ZBBX: variants seen among roughly 807,000 people sequenced by gnomAD.
ZBBX encodes zinc finger B-box domain-containing protein 1.
In ZBBX, 101 loss-of-function variants were observed where a neutral mutation model predicts 108.5. That is an observed-to-expected ratio of 0.93 (90% CI 0.79 to 1.10). The LOEUF (loss-of-function observed/expected upper bound fraction) is 1.10. Ranked by LOEUF, ZBBX falls within the 50% of genes least tolerant of loss-of-function variation. The probability of loss-of-function intolerance (pLI) is 0.00; values close to 1 mark genes in which losing one functional copy is unlikely to be tolerated. For missense variants in ZBBX, 1,009 were observed against 941.4 expected, an observed-to-expected ratio of 1.07 and a Z score of -0.94; for synonymous variants, 356 against 323.4, an observed-to-expected ratio of 1.10 and a Z score of -1.08.
At chr3:167,325,744 A>G (rs1737266422) in intron 11 of ZBBX, among the ~76,000 whole-genome samples, 2 of 152,198 alleles carry the variant, frequency 1.3e-5, no homozygotes, top group Admixed American at 6.6e-5. Context: ...GTAATGTTGT[A>G]TACCTCTAAT....
intron 17 of ZBBX, among the ~76,000 whole-genome samples, chr3:167,302,107 GATTT>G (rs1427792941): frequency 6.6e-6 from 1 of 151,946 alleles, no homozygotes; most frequent in African/African-American, 2.4e-5. Context: ...TTCCTTTGTG[GATTT>G]ATTTTTGTAA....
At chr3:167,362,498 C>T in intron 6 of ZBBX, among the ~76,000 whole-genome samples, 1 of 152,146 alleles carries the variant, frequency 6.6e-6, no homozygotes. Flanking sequence ...CAGACGTTCT[C>T]ACTGTCAACC....
chr3:167,357,278 T>C (rs964003579), intron 8 of ZBBX, among the ~76,000 whole-genome samples: 2 of 152,080 alleles, frequency 1.3e-5, no homozygotes, highest in African/African-American at 4.8e-5. Context: ...GAAATCATAG[T>C]GTCCCAGAGG....
intron 2 of ZBBX, among the ~76,000 whole-genome samples, chr3:167,376,237 T>C (rs1746936666): frequency 6.6e-6 from 1 of 152,166 alleles, no homozygotes; most frequent in African/African-American, 2.4e-5. Context: ...AATTCTCTTT[T>C]TTCTCCCTCA....
intron 20 of ZBBX, among the ~76,000 whole-genome samples, chr3:167,271,141 CATCCATATTGATT>C (rs1250183866): frequency 6.6e-6 from 1 of 152,168 alleles, no homozygotes; most frequent in Non-Finnish European, 1.5e-5. Flanking sequence ...AGGAAGGAAC[CATCCATATTGATT>C]CTAAATATGC....
chr3:167,180,939 T>C, the ZBBX span, among the ~76,000 whole-genome samples: 2,031 of 152,314 alleles, frequency 0.013, 22 homozygotes, highest in South Asian at 0.026. Flanking sequence ...TTTTTCTTAA[T>C]AACAAAGACT....
At chr3:167,308,774 G>C (rs1259378945) in intron 16 of ZBBX, among the ~76,000 whole-genome samples, 1 of 152,098 alleles carries the variant, frequency 6.6e-6, no homozygotes, top group Non-Finnish European at 1.5e-5. Context: ...CTTTAGAGGG[G>C]AACAACACAC....
chr3:167,184,105 G>A, the ZBBX span, among the ~76,000 whole-genome samples: 1 of 152,162 alleles, frequency 6.6e-6, no homozygotes, highest in South Asian at 2.1e-4. Context: ...TCAGTGAAAG[G>A]GATTGTCTTT....
intron 20 of ZBBX, among the ~76,000 whole-genome samples, chr3:167,271,075 T>C (rs1036758171): frequency 6.6e-6 from 1 of 152,220 alleles, no homozygotes; most frequent in Non-Finnish European, 1.5e-5. Context: ...TGCCTAATAA[T>C]TGGTCTGCCC....
intron 20 of ZBBX, among the ~76,000 whole-genome samples, chr3:167,264,891 A>G (rs1725206765): frequency 6.6e-6 from 1 of 152,126 alleles, no homozygotes; most frequent in East Asian, 1.9e-4. Context: ...GGCCACCACC[A>G]ATGTTTGCCT....
At chr3:167,397,702 T>C (rs1444892285) in intron 1 of ZBBX, among the ~76,000 whole-genome samples, 1 of 151,574 alleles carries the variant, frequency 6.6e-6, no homozygotes, top group African/African-American at 2.4e-5. Context: ...ACAAAACTTA[T>C]AAGGCTAAGA....
At chr3:167,273,109 C>G (rs1210215185) in intron 20 of ZBBX, among the ~76,000 whole-genome samples, 1 of 152,200 alleles carries the variant, frequency 6.6e-6, no homozygotes, top group African/African-American at 2.4e-5. Context: ...CCTTCCTTCT[C>G]TTCTCCTTCT....
the ZBBX span, among the ~76,000 whole-genome samples, chr3:167,220,679 T>G: frequency 2.0e-5 from 3 of 151,894 alleles, no homozygotes; most frequent in African/African-American, 7.2e-5. Flanking sequence ...ATAACAAAAA[T>G]GCCCACTTTC....
At chr3:167,365,325 T>C (rs1350337186) in intron 6 of ZBBX, among the ~76,000 whole-genome samples, 1 of 151,816 alleles carries the variant, frequency 6.6e-6, no homozygotes, top group Non-Finnish European at 1.5e-5. Flanking sequence ...GTTTTCTTTA[T>C]GTAAAGACAC....
chr3:167,210,794 T>G, the ZBBX span, among the ~76,000 whole-genome samples: 1 of 152,190 alleles, frequency 6.6e-6, no homozygotes, highest in South Asian at 2.1e-4. Context: ...TAGAAAAGGC[T>G]GAATACTAGA....
chr3:167,232,013 A>G, the ZBBX span, among the ~76,000 whole-genome samples: 4 of 151,852 alleles, frequency 2.6e-5, no homozygotes, highest in Non-Finnish European at 4.4e-5. Context: ...TGGCCATTTG[A>G]TATGATTGTA....
chr3:167,237,059 G>T (rs901560193), downstream of ZBBX, among the ~76,000 whole-genome samples: 2 of 151,748 alleles, frequency 1.3e-5, no homozygotes, highest in South Asian at 2.1e-4. Flanking sequence ...GGGACAGAGA[G>T]AATTGCTTTT....
the ZBBX span, among the ~76,000 whole-genome samples, chr3:167,221,395 G>C: frequency 4.6e-5 from 7 of 151,658 alleles, no homozygotes; most frequent in Non-Finnish European, 7.4e-5. Flanking sequence ...TTTGACAAAG[G>C]CATCAAGAAC....
intron 1 of ZBBX, among the ~76,000 whole-genome samples, chr3:167,396,369 G>A (rs1577146690): frequency 6.6e-6 from 1 of 152,106 alleles, no homozygotes; most frequent in South Asian, 2.1e-4. Flanking sequence ...GCAACTCCTA[G>A]GGGCGACATT....
Sources: gnomAD v4.1 joint callset for allele counts (sites outside exome capture counted in the v4.1 genomes callset) on GRCh38, gnomAD v4.1.1 for gene constraint, MANE v1.5 for transcripts, NCBI Gene and HGNC (gene_info 2026-07-23, HGNC 2026-07-21) for gene names.